Variants in PDE8B observed in about 807,000 individuals in gnomAD.
PDE8B encodes the protein high affinity cAMP-specific and IBMX-insensitive 3',5'-cyclic phosphodiesterase 8B.
Under a neutral mutation model 101.3 loss-of-function variants are expected in PDE8B, and 26 were observed. The ratio of observed to expected loss-of-function variants is 0.26; its 90% CI spans 0.19 to 0.36. PDE8B has a LOEUF of 0.36. Among genes scored for constraint, PDE8B ranks in the 10% least tolerant of loss-of-function variants. The pLI is 1.00. For synonymous variants in PDE8B, 424 were observed against 429.3 expected, an observed-to-expected ratio of 0.99 and a Z score of 0.15; for missense variants, 810 against 1,163.1, an observed-to-expected ratio of 0.70 and a Z score of 4.42.
intron 10 of PDE8B, among the ~76,000 whole-genome samples, chr5:77,361,670 T>C (rs990926108): frequency 6.6e-6 from 1 of 151,894 alleles, no homozygotes; most frequent in Admixed American, 6.6e-5. Flanking sequence ...GCCCGCTACC[T>C]CACCCAGCTA....
the PDE8B span, among the ~76,000 whole-genome samples, chr5:77,095,008 G>GA: frequency 1.3e-5 from 2 of 151,800 alleles, no homozygotes; most frequent in Non-Finnish European, 2.9e-5. Context: ...ATATCAATTA[G>GA]AAAAAAAAGA....
chr5:77,140,562 T>A, the PDE8B span: 1 of 152,240 alleles, frequency 6.6e-6, no homozygotes, highest in Non-Finnish European at 1.5e-5. Context: ...GTCTAGAGAT[T>A]GTTGTGCTGG....
At chr5:77,343,264 GA>G (rs1261685525) in intron 6 of PDE8B, among the ~76,000 whole-genome samples, 1 of 152,194 alleles carries the variant, frequency 6.6e-6, no homozygotes, top group African/African-American at 2.4e-5. Flanking sequence ...TAATGATGGG[GA>G]TATGTTCTGA....
intron 2 of PDE8B, among the ~76,000 whole-genome samples, chr5:77,319,948 A>G (rs903235067): frequency 1.1e-4 from 17 of 151,090 alleles, no homozygotes; most frequent in African/African-American, 3.9e-4. Context: ...AAACATCTTA[A>G]TTTTCAATGT....
At chr5:77,112,018 TG>T in the PDE8B span, 1 of 152,204 alleles carries the variant, frequency 6.6e-6, no homozygotes, top group Non-Finnish European at 1.5e-5. Flanking sequence ...AATTATATGT[TG>T]TTTAATGTAA....
chr5:77,337,439 A>T (rs1778403777), intron 6 of PDE8B, 124 bp downstream of exon 6: 1 of 701,382 alleles, frequency 1.4e-6, no homozygotes, highest in African/African-American at 1.8e-5. Flanking sequence ...TTAAACAGGC[A>T]ATGAATGGCA....
intron 18 of PDE8B, among the ~76,000 whole-genome samples, chr5:77,418,896 G>C (rs1300917064): frequency 1.3e-5 from 2 of 152,130 alleles, no homozygotes; most frequent in African/African-American, 2.4e-5. Flanking sequence ...GATGAGAGTG[G>C]GTTAGATGTG....
the PDE8B span, among the ~76,000 whole-genome samples, chr5:77,123,395 T>C: frequency 2.2e-5 from 3 of 133,828 alleles, no homozygotes; most frequent in Non-Finnish European, 4.7e-5. Context: ...ACAGTGGGGA[T>C]TAAGTTTCAA....
At chr5:77,297,963 C>G (rs1179832778) in intron 1 of PDE8B, among the ~76,000 whole-genome samples, 1 of 152,238 alleles carries the variant, frequency 6.6e-6, no homozygotes, top group Non-Finnish European at 1.5e-5. Flanking sequence ...CACTCCCACT[C>G]TGCTCCCCAC....
chr5:77,268,043 A>G (rs931709388), intron 1 of PDE8B, among the ~76,000 whole-genome samples: 1 of 152,142 alleles, frequency 6.6e-6, no homozygotes, highest in Non-Finnish European at 1.5e-5. Context: ...AGGTTAAAAA[A>G]AAAAAAGAAA....
intron 1 of PDE8B, among the ~76,000 whole-genome samples, chr5:77,257,662 T>G (rs1055333310): frequency 6.6e-6 from 1 of 152,092 alleles, no homozygotes; most frequent in African/African-American, 2.4e-5. Context: ...TTTAAAAAAT[T>G]TAATTTAATT....
At chr5:77,145,605 TTA>T in the PDE8B span, 1 of 152,138 alleles carries the variant, frequency 6.6e-6, no homozygotes, top group Non-Finnish European at 1.5e-5. Context: ...CTTAATTGAG[TTA>T]TCTTTCAACC....
chr5:77,406,408 C>A (rs763163811), intron 12 of PDE8B, among the ~76,000 whole-genome samples: 1 of 152,174 alleles, frequency 6.6e-6, no homozygotes, highest in South Asian at 2.1e-4. Flanking sequence ...GAATATGAAT[C>A]GAGAGATTTT....
chr5:77,137,361 A>G, the PDE8B span, among the ~76,000 whole-genome samples: 2 of 152,198 alleles, frequency 1.3e-5, no homozygotes, highest in Non-Finnish European at 2.9e-5. Flanking sequence ...AGAAAGCATG[A>G]TTGAGCTGGG....
the PDE8B span, among the ~76,000 whole-genome samples, chr5:77,091,122 G>T: frequency 1.6e-4 from 24 of 152,248 alleles, no homozygotes; most frequent in Admixed American, 1.3e-3. Context: ...CAGGTGTGAG[G>T]TGATGTCATT....
intron 1 of PDE8B, among the ~76,000 whole-genome samples, chr5:77,219,097 C>T (rs1310951477): frequency 6.6e-6 from 1 of 152,170 alleles, no homozygotes; most frequent in Non-Finnish European, 1.5e-5. Flanking sequence ...TGAGCCTGCA[C>T]TCAGCAGAAT....
At chr5:77,404,212 T>G (rs1581514675) in intron 11 of PDE8B, among the ~76,000 whole-genome samples, 12 of 152,132 alleles carry the variant, frequency 7.9e-5, no homozygotes, top group Admixed American at 7.2e-4. Flanking sequence ...GGTCTCGAAC[T>G]CCTGACTTCG....
At chr5:77,414,483 C>T (rs778884869) in intron 17 of PDE8B, among the ~76,000 whole-genome samples, 11 of 152,042 alleles carry the variant, frequency 7.2e-5, no homozygotes, top group African/African-American at 2.2e-4. Context: ...TGCAGTGGCA[C>T]GATCTCAGCT....
At chr5:77,255,362 A>G (rs1242357524) in intron 1 of PDE8B, among the ~76,000 whole-genome samples, 1 of 152,160 alleles carries the variant, frequency 6.6e-6, no homozygotes, top group Non-Finnish European at 1.5e-5. Flanking sequence ...CATGCCACCA[A>G]CGCGGCTGCA....
Sources: gnomAD v4.1 joint callset for allele counts (sites outside exome capture counted in the v4.1 genomes callset) on GRCh38, gnomAD v4.1.1 for gene constraint, MANE v1.5 for transcripts, NCBI Gene and HGNC (gene_info 2026-07-23, HGNC 2026-07-21) for gene names.